STAT5A: variants seen among roughly 807,000 people sequenced by gnomAD.
STAT5A encodes signal transducer and activator of transcription 5A.
In STAT5A, 26 loss-of-function variants were observed where a neutral mutation model predicts 100.2. The observed-to-expected ratio is 0.26, with a 90% CI of 0.19 to 0.36. The LOEUF (loss-of-function observed/expected upper bound fraction) is 0.36. Ranked by LOEUF, STAT5A falls within the 10% of genes least tolerant of loss-of-function variation. The pLI is 1.00. For synonymous variants in STAT5A, 330 were observed against 424.3 expected (o/e 0.78, Z 2.73); for missense variants, 634 against 1,027.5 (o/e 0.62, Z 5.24).
At chr17:42,291,944 G>A (rs766122984) in intron 3 of STAT5A, 28 bp from the exon 4 acceptor site, 16 of 1,610,658 alleles carry the variant, frequency 9.9e-6, no homozygotes, top group Middle Eastern at 1.7e-4. Context: ...AGAGGATGGC[G>A]CTGGAGGCTA....
At chr17:42,298,780 C>T (rs2080945791) in intron 5 of STAT5A, among the ~76,000 whole-genome samples, 1 of 152,200 alleles carries the variant, frequency 6.6e-6, no homozygotes, top group Non-Finnish European at 1.5e-5. Context: ...AGCCACTGCG[C>T]CCAGCCCCAT....
At position 42,310,523 on chromosome 17, in the gene STAT5A, G is replaced by C. The variant is rs749996722; in HGVS notation, c.2239G>C (p.Asp747His). 7 of 1,614,034 alleles carry C rather than the reference G, an allele frequency of 4.3e-6. No individual in the cohort carries two copies. Among genetic ancestry groups the C allele is most frequent in the East Asian group, 4.5e-5 (2 of 44,894 alleles). ...MYPQNPDHVL[D>H]QDGEFDLDET... ...CTTTACCAGCCCTGACCATGTACTCGATCAGGATGGAGAATTCGACCTGGA... is the reference window on the plus strand; with the variant it reads ...CTTTACCAGCCCTGACCATGTACTCCATCAGGATGGAGAATTCGACCTGGA... The change falls in exon 19 of 19, where the codon GAT becomes CAT. Residue 747 changes from aspartate (D) to histidine (H), a missense_variant. Physicochemically the swap from Asp to His is moderately conservative, Grantham distance 81. Coordinates refer to ENST00000590949, the MANE Select transcript of STAT5A (RefSeq NM_001288718.2).
Position 42,310,967 on chromosome 17 carries a change from T to G in STAT5A, c.*298T>G. ...CAGGCACTCAATGCAGCCAGACCTA[T>G]TCCTCCTGGGCCCCTCATCTGCTCA... On this transcript the variant is annotated 3_prime_UTR_variant, in exon 19 of 19. Coordinates refer to ENST00000590949, the MANE Select transcript of STAT5A (RefSeq NM_001288718.2). 2 of 423,066 alleles carry G rather than the reference T, an allele frequency of 4.7e-6. No individual in the cohort carries two copies. The highest frequency in any genetic ancestry group is 8.8e-6 in the Non-Finnish European group (2 of 227,254). 26.2% of individuals were successfully genotyped at this position (423,066 alleles called of 1,614,324 possible). A position where few individuals can be genotyped will look rare whatever the true frequency, so the allele number is the denominator to read the frequency against.
intron 7 of STAT5A, 58 bp from the exon 8 acceptor site, chr17:42,300,657 C>A (rs2293157): frequency 0.3 from 485,738 of 1,612,802 alleles, 81,791 homozygotes; most frequent in African/African-American, 0.71. Flanking sequence ...TGTCTTGGGG[C>A]CTGGCGTCTG....
At chr17:42,291,871 G>A (rs1405132636) in intron 3 of STAT5A, 101 bp from the exon 4 acceptor site, 3 of 1,279,726 alleles carry the variant, frequency 2.3e-6, no homozygotes, top group Non-Finnish European at 3.3e-6. Flanking sequence ...CCTGGGAAAA[G>A]CTGAGGCAGA....
intron 3 of STAT5A, 100 bp from the exon 4 acceptor site, chr17:42,291,872 C>T: frequency 3.1e-6 from 4 of 1,294,172 alleles, no homozygotes; most frequent in South Asian, 1.3e-5. Context: ...CTGGGAAAAG[C>T]TGAGGCAGAG....
Position 42,295,643 on chromosome 17 carries a change from G to A in STAT5A, c.400G>A (p.Val134Ile). The change falls in exon 5 of 19, where the codon GTT becomes ATT. Residue 134 changes from valine to isoleucine, a missense_variant. This residue lies in a region of STAT5A where 207 missense variants were observed against 256.6 expected (regional missense o/e 0.81). Transcript: ENST00000590949. Reference protein sequence around the residue: ...NNCSSPAGILVDAMSQKHLQI... With the variant: ...NNCSSPAGILIDAMSQKHLQI... ...GTGCAGCTCTCCGGCTGGGATCCTGGTTGACGCCATGTCCCAGAAGCACCT... is the reference window on the plus strand; with the variant it reads ...GTGCAGCTCTCCGGCTGGGATCCTGATTGACGCCATGTCCCAGAAGCACCT... 6.2e-7 allele frequency: 1 copy of A among 1,613,760 alleles called. No individual in the cohort carries two copies. Among genetic ancestry groups the A allele is most frequent in the Non-Finnish European group, 8.5e-7 (1 of 1,179,910 alleles).
At chr17:42,301,937 G>A (rs77025767) in intron 9 of STAT5A, among the ~76,000 whole-genome samples, 3 of 152,154 alleles carry the variant, frequency 2.0e-5, no homozygotes, top group African/African-American at 2.4e-5. Context: ...GGGAGGCCAC[G>A]GTCGGAGGAT....
Position 42,292,186 on chromosome 17 carries a change from G to C in STAT5A, c.375+125G>C, listed in dbSNP as rs2080875637. 3.2e-6 allele frequency: 4 copies of C among 1,230,790 alleles called. No homozygotes were observed. The South Asian group carries it at 5.5e-5, about 17-fold the overall frequency. The allele number at this position is 1,230,790 out of a possible 1,614,324, so 76.2% of individuals were successfully genotyped here. A position where few individuals can be genotyped will look rare whatever the true frequency, so the allele number is the denominator to read the frequency against. ...GAGCACCAAGAAGATGAGGGACGTG[G>C]GCAAGTGTAAGAGGTGGCAGCATTG... On this transcript the variant is annotated intron_variant, in intron 4 of 18. Coordinates refer to ENST00000590949, the MANE Select transcript of STAT5A (RefSeq NM_001288718.2).
intron 5 of STAT5A, 130 bp downstream of exon 5, chr17:42,295,923 G>C: frequency 7.3e-7 from 1 of 1,363,818 alleles, no homozygotes; most frequent in Non-Finnish European, 1.0e-6. Flanking sequence ...AGAAGCAATG[G>C]CTCCCGGTGA....
intron 18 of STAT5A, 185 bp downstream of exon 18, chr17:42,309,669 A>C: frequency 1.8e-6 from 1 of 554,552 alleles, no homozygotes; most frequent in East Asian, 3.0e-5. Flanking sequence ...TCCTCACTCT[A>C]GTACTAACTG....
In STAT5A at chr17:42,292,024, T is replaced by C; in HGVS notation, c.338T>C (p.Leu113Pro). Residue 113 changes from leucine to proline, a missense_variant, in exon 4 of 19, where the codon CTG becomes CCG. Coordinates refer to ENST00000590949, the MANE Select transcript of STAT5A (RefSeq NM_001288718.2). ...LELVRCIRHI[L>P]YNEQRLVREA... is the part of the protein sequence containing the mutation. The stretch of plus-strand genomic sequence containing the variant: ...CTGGTCCGCTGCATCCGGCACATTC[T>C]GTACAATGAACAGAGGCTGGTCCGA... 6.2e-7 allele frequency: 1 copy of C among 1,614,048 alleles called. No homozygotes were observed.
chr17:42,301,322 C>A lies in STAT5A; in HGVS notation c.1037C>A (p.Thr346Asn), dbSNP rs1291214433. ...CCTCCTCAGGTCCTGAAGACCCAGA[C>A]CAAGTTTGCAGCCACCGTACGCCTG... Reference protein sequence around the residue: ...KQPPQVLKTQTKFAATVRLLV... With the variant: ...KQPPQVLKTQNKFAATVRLLV... The change falls in exon 9 of 19, where the codon ACC becomes AAC. Residue 346 changes from threonine to asparagine, a missense_variant. This residue lies in a region of STAT5A where 98 missense variants were observed against 149.7 expected (regional missense o/e 0.65). Transcript: ENST00000590949. 1.9e-6 allele frequency: 3 copies of A among 1,614,020 alleles called. No homozygotes were observed. The South Asian group carries it at 3.3e-5, about 18-fold the overall frequency.
chr17:42,300,119 C>T lies in STAT5A; in HGVS notation c.682-11C>T. 1.7e-5 allele frequency: 24 copies of T among 1,377,772 alleles called. No individual in the cohort carries two copies. Among genetic ancestry groups the T allele is most frequent in the Non-Finnish European group, 1.9e-5 (19 of 1,020,272 alleles). 85.3% of individuals were successfully genotyped at this position (1,377,772 alleles called of 1,614,324 possible). ...GAGCCCAGAAGGGGCTGCTCTCCTC[C>T]CTTCCCTCAGGAGCTGGCCGAGAAG... On this transcript the variant is annotated splice_polypyrimidine_tract_variant and intron_variant, in intron 6 of 18. Coordinates refer to ENST00000590949, the MANE Select transcript of STAT5A (RefSeq NM_001288718.2).
chr17:42,298,370 AG>A (rs1208055783), intron 5 of STAT5A, among the ~76,000 whole-genome samples: 6 of 151,570 alleles, frequency 4.0e-5, no homozygotes, highest in African/African-American at 1.5e-4. Flanking sequence ...CATGTTGGCC[AG>A]GCTGGTCTCG....
intron 12 of STAT5A, 27 bp from the exon 13 acceptor site, chr17:42,306,213 CT>C (rs755048665): frequency 6.2e-7 from 1 of 1,613,930 alleles, no homozygotes; most frequent in Non-Finnish European, 8.5e-7. Context: ...CTCAATCTAC[CT>C]TTTCCCCTCT....
chr17:42,294,751 G>A (rs2144510017), intron 4 of STAT5A, among the ~76,000 whole-genome samples: 1 of 152,354 alleles, frequency 6.6e-6, no homozygotes, highest in South Asian at 2.1e-4. Context: ...AGCTGGGGTT[G>A]GAGGTAGGCA....
At chr17:42,289,146 G>C (rs116537597) in intron 1 of STAT5A, 1 of 379,100 alleles carries the variant, frequency 2.6e-6, no homozygotes, top group Non-Finnish European at 4.7e-6. Flanking sequence ...CCGGTGGGGC[G>C]AGGGGAGAGG....
intron 5 of STAT5A, among the ~76,000 whole-genome samples, chr17:42,298,766 C>T (rs1598359298): frequency 1.3e-5 from 2 of 152,198 alleles, no homozygotes; most frequent in African/African-American, 4.8e-5. Context: ...GGATTACAGG[C>T]GTGAGCCACT....
Sources: allele counts gnomAD v4.1 joint callset (sites outside exome capture counted in the v4.1 genomes callset), GRCh38; gene constraint gnomAD v4.1.1; regional missense constraint gnomAD v4.1.1; transcripts MANE v1.5; gene names NCBI Gene and HGNC (gene_info 2026-07-23, HGNC 2026-07-21).